ZNF695: variants seen among roughly 807,000 people sequenced by gnomAD.
ZNF695 encodes the protein zinc finger protein 695.
In ZNF695, 11 loss-of-function variants were observed where a neutral mutation model predicts 11.2. The observed-to-expected ratio is 0.98, with a 90% CI of 0.62 to 1.62. The LOEUF (loss-of-function observed/expected upper bound fraction) is 1.62. Among genes scored for constraint, ZNF695 ranks in the 40% most tolerant of loss-of-function variants. The probability of loss-of-function intolerance (pLI) is 0.00; values close to 1 mark genes in which losing one functional copy is unlikely to be tolerated. For missense variants in ZNF695, 559 were observed against 590.5 expected (o/e 0.95, Z 0.55); for synonymous variants, 190 against 201.4 (o/e 0.94, Z 0.48).
chr1:247,004,877 G>C (rs953707141), intron 1 of ZNF695, among the ~76,000 whole-genome samples: 2 of 152,166 alleles, frequency 1.3e-5, no homozygotes, highest in Non-Finnish European at 2.9e-5. Flanking sequence ...CCAAAGAAGT[G>C]AAAGATTTCA....
At chr1:246,984,531 A>T (rs1285041832), downstream of ZNF695, among the ~76,000 whole-genome samples, 1 of 152,196 alleles carries the variant, frequency 6.6e-6, no homozygotes, top group South Asian at 2.1e-4. Context: ...ATTTATTGTT[A>T]ATTATGGAAC....
chr1:246,984,152 CAA>C (rs11321674), downstream of ZNF695, among the ~76,000 whole-genome samples: 37 of 91,618 alleles, frequency 4.0e-4, 1 homozygote, highest in African/African-American at 4.2e-4. Context: ...ACCATGTCTC[CAA>C]AAAAAAAAAA....
At chr1:246,958,205 C>T (rs1350302129) in intron 5 of ZNF695, among the ~76,000 whole-genome samples, 1 of 151,954 alleles carries the variant, frequency 6.6e-6, no homozygotes, top group Non-Finnish European at 1.5e-5. Flanking sequence ...ACTACAGGTG[C>T]ACACCACCAC....
In ZNF695 at chr1:246,969,866, G is replaced by A. The variant is rs148291214; in HGVS notation, c.391-2074C>T. 3.1e-3 allele frequency among the ~76,000 whole-genome samples: 472 copies of A among 152,210 alleles called. 4 individuals carry two copies. Among genetic ancestry groups the A allele is most frequent in the African/African-American group, 9.7e-3 (404 of 41,546 alleles). ...ACACATTCTTAAACAACCAGATCTC[G>A]TGAGAACTTACTATCACGAGAACAG... is the stretch of plus-strand genomic sequence containing the variant. On this transcript the variant is annotated intron_variant, in intron 4 of 5. Transcript: ENST00000487338.
intron 3 of ZNF695, among the ~76,000 whole-genome samples, chr1:246,995,082 C>T (rs1669161590): frequency 6.6e-6 from 1 of 152,096 alleles, no homozygotes; most frequent in Admixed American, 6.6e-5. Context: ...CAGTGACAAC[C>T]AACAGACCTC....
chr1:246,986,034 A>C lies in ZNF695; in HGVS notation c.*933T>G. The C allele has an allele frequency of 2.6e-5, 26 of 984,120 alleles. No individual in the cohort carries two copies. The highest frequency in any genetic ancestry group is 3.1e-5 in the Non-Finnish European group (26 of 828,816). The allele number at this position is 984,120 out of a possible 1,614,324, so 61.0% of individuals were successfully genotyped here. ...AATATGTGATTTTCAAAAAAGCTAA[A>C]ACTCTTTCAGTGCACCGAGTATACT... On this transcript the variant is annotated 3_prime_UTR_variant, in exon 4 of 4. Coordinates refer to ENST00000339986, the MANE Select transcript of ZNF695 (RefSeq NM_020394.5).
chr1:246,965,774 A>G (rs1668275048), intron 5 of ZNF695, among the ~76,000 whole-genome samples: 1 of 151,968 alleles, frequency 6.6e-6, no homozygotes, highest in Admixed American at 6.6e-5. Context: ...AAAAGAAAAA[A>G]AATTCTGCAG....
chr1:246,982,057 G>A (rs897044841), downstream of ZNF695, among the ~76,000 whole-genome samples: 2 of 152,000 alleles, frequency 1.3e-5, no homozygotes, highest in Non-Finnish European at 1.5e-5. Flanking sequence ...GATCACGTGA[G>A]GTTGGGAGTT....
intron 5 of ZNF695, among the ~76,000 whole-genome samples, chr1:246,949,700 T>C (rs1667825564): frequency 6.6e-6 from 1 of 152,232 alleles, no homozygotes; most frequent in Non-Finnish European, 1.5e-5. Flanking sequence ...GACTGATCTT[T>C]CCACCTCATC....
rs1318836496 is a variant in ZNF695 at position 246,952,094 on chromosome 1, G to GT, written c.489-6268dup. Among the ~76,000 whole-genome samples the GT allele has an allele frequency of 2.0e-5, 3 of 152,150 alleles. No individual in the cohort carries two copies. In the East Asian group the frequency reaches 5.8e-4, roughly 29 times the overall value. ...CTCCTGAGTAGCTGGGACTACAGTC[G>GT]TATGTTACCACATCTGGCTAATTTT... On this transcript the variant is annotated intron_variant, in intron 5 of 5. Transcript: ENST00000487338.
chr1:246,964,507 T>C (rs1668239386), intron 5 of ZNF695, among the ~76,000 whole-genome samples: 1 of 152,262 alleles, frequency 6.6e-6, no homozygotes, highest in African/African-American at 2.4e-5. Flanking sequence ...TTTTAGGAAC[T>C]CTATGCCAAA....
intron 3 of ZNF695, among the ~76,000 whole-genome samples, chr1:246,990,393 G>A (rs75202773): frequency 0.015 from 2,214 of 152,218 alleles, 51 homozygotes; most frequent in African/African-American, 0.051. Context: ...AATAATGATA[G>A]AAGAGTAAAA....
intron 4 of ZNF695, among the ~76,000 whole-genome samples, chr1:246,979,381 T>C (rs1668647366): frequency 6.6e-6 from 1 of 152,064 alleles, no homozygotes. Flanking sequence ...CTGATTCCGT[T>C]TGTCATAGCC....
intron 5 of ZNF695, among the ~76,000 whole-genome samples, chr1:246,955,820 T>C (rs1439504670): frequency 1.3e-5 from 2 of 152,242 alleles, no homozygotes; most frequent in Admixed American, 1.3e-4. Context: ...AGGTGCTCAG[T>C]GAGTCCCAGC....
chr1:246,989,546 C>T (rs1668963637), intron 3 of ZNF695, among the ~76,000 whole-genome samples: 1 of 101,930 alleles, frequency 9.8e-6, no homozygotes, highest in Non-Finnish European at 2.0e-5. Context: ...ACTAAAGGAA[C>T]ATAGACAGGA....
chr1:246,990,108 T>TGAAG (rs202245310), intron 3 of ZNF695, among the ~76,000 whole-genome samples: 2,531 of 122,376 alleles, frequency 0.021, 31 homozygotes, highest in Middle Eastern at 0.11. Context: ...AAGGAATGAA[T>TGAAG]GAAGGAAGGA....
intron 5 of ZNF695, among the ~76,000 whole-genome samples, chr1:246,954,580 T>C (rs72766583): frequency 0.058 from 8,797 of 152,286 alleles, 393 homozygotes; most frequent in South Asian, 0.13. Context: ...TCTTGTCTAA[T>C]GTACAGGATT....
intron 5 of ZNF695, among the ~76,000 whole-genome samples, chr1:246,946,569 C>T (rs1229762785): frequency 6.6e-6 from 1 of 152,220 alleles, no homozygotes; most frequent in Non-Finnish European, 1.5e-5. Context: ...GGGCCCTCTC[C>T]CGGTGACAGC....
At chr1:246,997,229 G>A (rs182358417) in intron 3 of ZNF695, among the ~76,000 whole-genome samples, 3,264 of 152,228 alleles carry the variant, frequency 0.021, 38 homozygotes, top group Middle Eastern at 0.058. Flanking sequence ...AAGTCCAGGC[G>A]CGGTGGCTCA....
Sources: allele counts gnomAD v4.1 joint callset (sites outside exome capture counted in the v4.1 genomes callset), GRCh38; gene constraint gnomAD v4.1.1; transcripts MANE v1.5; gene names NCBI Gene and HGNC (gene_info 2026-07-23, HGNC 2026-07-21).